The following CNTN1 variants were observed in gnomAD, a reference collection of about 807,000 sequenced individuals.
The protein encoded by CNTN1 is contactin-1.
Under a neutral mutation model 126.4 loss-of-function variants are expected in CNTN1, and 38 were observed. The observed-to-expected ratio is 0.30, with a 90% confidence interval of 0.23 to 0.39. CNTN1 has a LOEUF of 0.39. Ranked by LOEUF, CNTN1 falls within the 10% of genes least tolerant of loss-of-function variation. The probability of loss-of-function intolerance (pLI) is 1.00; values close to 1 mark genes in which losing one functional copy is unlikely to be tolerated. For synonymous variants in CNTN1, 413 were observed against 422.6 expected (o/e 0.98, Z 0.28); for missense variants, 1,009 against 1,248.4 (o/e 0.81, Z 2.89).
intron 1 of CNTN1, among the ~76,000 whole-genome samples, chr12:40,724,823 A>G (rs994293563): frequency 6.6e-6 from 1 of 152,212 alleles, no homozygotes; most frequent in Admixed American, 6.5e-5. Flanking sequence ...CATGGATGAG[A>G]AAATACTCTG....
chr12:40,960,832 A>G (rs1016161197), intron 15 of CNTN1, among the ~76,000 whole-genome samples: 1 of 152,112 alleles, frequency 6.6e-6, no homozygotes, highest in African/African-American at 2.4e-5. Flanking sequence ...AGTCATTTCC[A>G]GAAGTAGCCA....
intron 16 of CNTN1, among the ~76,000 whole-genome samples, chr12:40,989,219 G>A (rs1422453876): frequency 1.3e-5 from 2 of 152,146 alleles, no homozygotes; most frequent in Non-Finnish European, 2.9e-5. Context: ...GAAGAGAAAA[G>A]GATCCAATAG....
At chr12:41,063,494 C>G (rs1949984677) in intron 23 of CNTN1, among the ~76,000 whole-genome samples, 1 of 152,180 alleles carries the variant, frequency 6.6e-6, no homozygotes, top group Admixed American at 6.5e-5. Flanking sequence ...CATTTATTTG[C>G]ACTTTTTAGA....
chr12:40,925,228 A>T (rs1372213208), intron 6 of CNTN1, among the ~76,000 whole-genome samples: 1 of 151,910 alleles, frequency 6.6e-6, no homozygotes, highest in Non-Finnish European at 1.5e-5. Flanking sequence ...AAGCCACCAA[A>T]GTGCTAATTA....
chr12:40,873,322 T>C (rs1257276667), intron 1 of CNTN1, among the ~76,000 whole-genome samples: 1 of 152,208 alleles, frequency 6.6e-6, no homozygotes, highest in Non-Finnish European at 1.5e-5. Context: ...TTATACATTA[T>C]ATGTAATGAA....
intron 23 of CNTN1, among the ~76,000 whole-genome samples, chr12:41,047,797 T>C (rs1949579426): frequency 6.6e-6 from 1 of 152,114 alleles, no homozygotes; most frequent in Non-Finnish European, 1.5e-5. Context: ...CTCTTATTGA[T>C]GTTCTTCCCA....
chr12:40,741,749 G>C (rs1937952045), intron 1 of CNTN1, among the ~76,000 whole-genome samples: 2 of 151,870 alleles, frequency 1.3e-5, no homozygotes, highest in African/African-American at 4.8e-5. Context: ...TATTTTCCTT[G>C]ATACAAGTAT....
chr12:41,061,763 A>C (rs887815215), intron 23 of CNTN1: 1 of 455,736 alleles, frequency 2.2e-6, no homozygotes, highest in African/African-American at 2.0e-5. Flanking sequence ...ATTTTACAGA[A>C]GGAAAATCCA....
chr12:40,971,573 T>G, intron 15 of CNTN1: 2 of 1,548,818 alleles, frequency 1.3e-6, no homozygotes, highest in Non-Finnish European at 1.7e-6. Context: ...TATACTAGAT[T>G]TGACTAACTC....
At chr12:40,918,910 A>C in intron 4 of CNTN1, 139 bp downstream of exon 4, 1 of 1,038,100 alleles carries the variant, frequency 9.6e-7, no homozygotes, top group South Asian at 1.4e-5. Context: ...CATACAAACT[A>C]TTAAAAAAGT....
Position 41,016,739 on chromosome 12 carries a change from C to T in CNTN1, c.2242C>T (p.Pro748Ser). Reference protein sequence around the residue: ...NNFGYIVAFKPFDGEEWKKVT... With the variant: ...NNFGYIVAFKSFDGEEWKKVT... ...TTTTGGTTACATAGTGGCATTTAAG[C>T]CATTTGATGGAGAAGAATGGAAAAA... is the stretch of plus-strand genomic sequence containing the variant. Residue 748 changes from proline (P) to serine (S), a missense_variant, in exon 19 of 24, where the codon CCA (proline) becomes TCA (serine). Coordinates refer to ENST00000551295, the MANE Select transcript of CNTN1 (RefSeq NM_001843.4). The T allele has an allele frequency of 6.2e-7, 1 of 1,614,066 alleles. No individual in the cohort carries two copies. Among genetic ancestry groups the T allele is most frequent in the Non-Finnish European group, 8.5e-7 (1 of 1,179,980 alleles).
intron 1 of CNTN1, among the ~76,000 whole-genome samples, chr12:40,843,611 T>C (rs1028483346): frequency 6.6e-6 from 1 of 152,178 alleles, no homozygotes; most frequent in Non-Finnish European, 1.5e-5. Flanking sequence ...GGACTACAAT[T>C]AGGCAGTTGT....
chr12:41,011,613 T>C (rs1454194116), intron 17 of CNTN1, among the ~76,000 whole-genome samples: 1 of 152,186 alleles, frequency 6.6e-6, no homozygotes, highest in African/African-American at 2.4e-5. Context: ...AACTAAGTGG[T>C]GGGTTTTAGT....
chr12:40,742,139 T>C (rs1309933670), intron 1 of CNTN1, among the ~76,000 whole-genome samples: 5 of 152,034 alleles, frequency 3.3e-5, no homozygotes, highest in Admixed American at 3.3e-4. Context: ...GTACTTAAAA[T>C]ATAACCCGTG....
intron 1 of CNTN1, among the ~76,000 whole-genome samples, chr12:40,810,189 G>A (rs1238394040): frequency 1.3e-5 from 2 of 152,074 alleles, no homozygotes; most frequent in African/African-American, 2.4e-5. Context: ...ATTCATTCAT[G>A]CATTCCTATA....
intron 1 of CNTN1, among the ~76,000 whole-genome samples, chr12:40,786,027 C>T (rs1383536128): frequency 6.6e-6 from 1 of 152,170 alleles, no homozygotes; most frequent in African/African-American, 2.4e-5. Context: ...TTATCACGCA[C>T]ATTGTGTCTT....
At chr12:41,051,288 CA>C (rs1949674001) in intron 23 of CNTN1, among the ~76,000 whole-genome samples, 2 of 151,490 alleles carry the variant, frequency 1.3e-5, no homozygotes, top group Non-Finnish European at 2.9e-5. Flanking sequence ...GCTGGGACTA[CA>C]GGTGCCCGCC....
intron 1 of CNTN1, among the ~76,000 whole-genome samples, chr12:40,697,704 A>G (rs1941485296): frequency 6.6e-6 from 1 of 152,208 alleles, no homozygotes; most frequent in South Asian, 2.1e-4. Context: ...GCTTATGTAT[A>G]TCATATGTAT....
chr12:40,701,491 C>T (rs1222627071), intron 1 of CNTN1, among the ~76,000 whole-genome samples: 1 of 151,892 alleles, frequency 6.6e-6, no homozygotes. Context: ...CTGTAACAGA[C>T]AAGATGAATA....
Sources: allele counts gnomAD v4.1 joint callset (sites outside exome capture counted in the v4.1 genomes callset), GRCh38; gene constraint gnomAD v4.1.1; transcripts MANE v1.5; gene names NCBI Gene and HGNC (gene_info 2026-07-23, HGNC 2026-07-21).